TULP4: variants seen among roughly 807,000 people sequenced by gnomAD.
TULP4 encodes TUB like protein 4.
Under a neutral mutation model 129.0 loss-of-function variants are expected in TULP4, and 16 were observed. The observed-to-expected ratio is 0.12, with a 90% CI of 0.08 to 0.19. TULP4 has a LOEUF of 0.19. TULP4 is among the 10% of genes least tolerant of loss of function. The pLI is 1.00. For missense variants in TULP4, 1,842 were observed against 2,059.1 expected (o/e 0.89, Z 2.04); for synonymous variants, 998 against 854.0 (o/e 1.17, Z -2.94).
intron 6 of TULP4, among the ~76,000 whole-genome samples, chr6:158,467,719 C>T (rs975012055): frequency 7.9e-5 from 12 of 152,126 alleles, no homozygotes; most frequent in African/African-American, 2.9e-4. Flanking sequence ...ATAATCTGGC[C>T]CTCCATCCCC....
intron 1 of TULP4, among the ~76,000 whole-genome samples, chr6:158,254,888 A>G (rs1778216444): frequency 6.6e-6 from 1 of 152,194 alleles, no homozygotes; most frequent in Admixed American, 6.5e-5. Flanking sequence ...CCTGGCCAAC[A>G]TGGCGAAACC....
intron 1 of TULP4, among the ~76,000 whole-genome samples, chr6:158,325,612 A>G (rs554455676): frequency 6.6e-6 from 1 of 152,266 alleles, no homozygotes; most frequent in Admixed American, 6.5e-5. Context: ...TCGGCCTCCC[A>G]AAGTACTGGG....
intron 1 of TULP4, among the ~76,000 whole-genome samples, chr6:158,234,331 G>A (rs1777648940): frequency 7.6e-6 from 1 of 130,992 alleles, no homozygotes; most frequent in African/African-American, 2.6e-5. Flanking sequence ...CTGAGATGGC[G>A]AGTAATGGAA....
chr6:158,336,151 G>A (rs6455581), intron 1 of TULP4, among the ~76,000 whole-genome samples: 131,074 of 152,208 alleles, frequency 0.86, 56,871 homozygotes, highest in South Asian at 0.93. Flanking sequence ...AAATGGCACT[G>A]CAGTGTGGTT....
At chr6:158,262,606 G>A (rs1778371238) in intron 1 of TULP4, among the ~76,000 whole-genome samples, 1 of 152,128 alleles carries the variant, frequency 6.6e-6, no homozygotes, top group South Asian at 2.1e-4. Flanking sequence ...GCAAAGAATT[G>A]AACTGTTACC....
chr6:158,274,795 A>G (rs1184347248), intron 1 of TULP4, among the ~76,000 whole-genome samples: 3 of 152,078 alleles, frequency 2.0e-5, no homozygotes, highest in South Asian at 4.1e-4. Context: ...AAAACAAAAA[A>G]CCAAAACCTT....
chr6:158,372,748 T>C (rs1016802150), intron 1 of TULP4, among the ~76,000 whole-genome samples: 1 of 152,198 alleles, frequency 6.6e-6, no homozygotes, highest in Non-Finnish European at 1.5e-5. Context: ...CTCAGGACTT[T>C]CATATGATGA....
chr6:158,444,080 C>T (rs564524353), intron 3 of TULP4, among the ~76,000 whole-genome samples: 10 of 151,714 alleles, frequency 6.6e-5, no homozygotes, highest in East Asian at 3.9e-4. Context: ...ATTAGCCTGG[C>T]GTGGTGGCGC....
At chr6:158,487,636 A>G (rs1780102560) in intron 8 of TULP4, among the ~76,000 whole-genome samples, 1 of 152,250 alleles carries the variant, frequency 6.6e-6, no homozygotes, top group Non-Finnish European at 1.5e-5. Flanking sequence ...CAGAATCTCT[A>G]GAAGTATGAA....
intron 2 of TULP4, among the ~76,000 whole-genome samples, chr6:158,422,920 G>C (rs969964911): frequency 4.6e-5 from 7 of 152,244 alleles, no homozygotes; most frequent in Non-Finnish European, 7.3e-5. Context: ...GCCGGAAGGC[G>C]CCCGAATCGC....
chr6:158,291,903 T>G (rs560959222), intron 1 of TULP4, among the ~76,000 whole-genome samples: 69 of 152,374 alleles, frequency 4.5e-4, no homozygotes, highest in African/African-American at 1.4e-3. Flanking sequence ...GCTTTCTAAT[T>G]CCTTTAAACA....
chr6:158,499,020 G>C (rs1373051659), intron 12 of TULP4, among the ~76,000 whole-genome samples: 1 of 152,212 alleles, frequency 6.6e-6, no homozygotes, highest in Non-Finnish European at 1.5e-5. Flanking sequence ...GGGAGCTGCT[G>C]GAGCACAGAT....
intron 6 of TULP4, among the ~76,000 whole-genome samples, chr6:158,475,102 G>A (rs1363122795): frequency 6.6e-6 from 1 of 152,266 alleles, no homozygotes; most frequent in Non-Finnish European, 1.5e-5. Flanking sequence ...GTACTAGCAG[G>A]AGGAGAGGTG....
At chr6:158,332,169 CAAAAAAAAAAAA>C (rs1169601263) in intron 1 of TULP4, among the ~76,000 whole-genome samples, 2 of 65,318 alleles carry the variant, frequency 3.1e-5, no homozygotes, top group South Asian at 5.4e-4. Context: ...AAGACTCTGT[CAAAAAAAAAAAA>C]AAAAAAAAAA....
At chr6:158,497,289 A>G (rs921481868) in intron 11 of TULP4, among the ~76,000 whole-genome samples, 2 of 152,258 alleles carry the variant, frequency 1.3e-5, no homozygotes, top group Admixed American at 1.3e-4. Context: ...GTGGTACCCC[A>G]TTAAATAATC....
At chr6:158,475,346 A>G (rs1416495244) in intron 6 of TULP4, among the ~76,000 whole-genome samples, 1 of 152,264 alleles carries the variant, frequency 6.6e-6, no homozygotes, top group Non-Finnish European at 1.5e-5. Flanking sequence ...ACTCCCTGAA[A>G]TGCAGCTCAG....
At chr6:158,349,038 G>T (rs1780403193) in intron 1 of TULP4, among the ~76,000 whole-genome samples, 4 of 62,170 alleles carry the variant, frequency 6.4e-5, no homozygotes, top group Admixed American at 1.8e-4. Context: ...GCCGGGCAGA[G>T]GCGCTCCTCA....
intron 1 of TULP4, among the ~76,000 whole-genome samples, chr6:158,345,028 C>G (rs912663435): frequency 1.3e-5 from 2 of 152,226 alleles, no homozygotes; most frequent in African/African-American, 4.8e-5. Context: ...TCAAACAGCT[C>G]TAACATTTCT....
At chr6:158,298,454 T>C (rs1181386975) in intron 1 of TULP4, among the ~76,000 whole-genome samples, 1 of 152,228 alleles carries the variant, frequency 6.6e-6, no homozygotes, top group Non-Finnish European at 1.5e-5. Context: ...TTGGGGTCCC[T>C]GACTTCCCGC....
Sources: gnomAD v4.1 joint callset for allele counts (sites outside exome capture counted in the v4.1 genomes callset) on GRCh38, gnomAD v4.1.1 for gene constraint, MANE v1.5 for transcripts, NCBI Gene and HGNC (gene_info 2026-07-23, HGNC 2026-07-21) for gene names.